Variants in CHD9 observed in about 807,000 individuals in gnomAD.
CHD9 encodes the protein ATP-dependent chromatin remodeler CHD9.
In CHD9, 77 loss-of-function variants were observed where a neutral mutation model predicts 316.1. The observed-to-expected ratio is 0.24, with a 90% CI of 0.20 to 0.29. CHD9 has a LOEUF of 0.29. Among genes scored for constraint, CHD9 ranks in the 10% least tolerant of loss-of-function variants. The pLI is 1.00. For missense variants in CHD9, 2,763 were observed against 3,438.1 expected (o/e 0.80, Z 4.91); for synonymous variants, 1,129 against 1,158.3 (o/e 0.97, Z 0.51).
intron 37 of CHD9, chr16:53,321,148 AT>A: frequency 1.0e-6 from 1 of 980,200 alleles, no homozygotes; most frequent in Non-Finnish European, 1.4e-6. Flanking sequence ...TATTATTGTT[AT>A]CCCCATTTTA....
At chr16:53,202,311 A>T (rs1046787877) in intron 2 of CHD9, among the ~76,000 whole-genome samples, 1 of 152,144 alleles carries the variant, frequency 6.6e-6, no homozygotes. Context: ...GTTCAGGCCA[A>T]TATCTAAACT....
chr16:53,158,228 C>T (rs1265626375), intron 2 of CHD9, among the ~76,000 whole-genome samples: 1 of 152,080 alleles, frequency 6.6e-6, no homozygotes, highest in African/African-American at 2.4e-5. Context: ...ATTTTAATAA[C>T]CCAGACATAG....
Position 53,324,351 on chromosome 16 carries a change from G to C in CHD9, c.8150G>C (p.Gly2717Ala). 1 of 1,614,006 alleles carries C rather than the reference G, an allele frequency of 6.2e-7. No homozygotes were observed. Among genetic ancestry groups the C allele is most frequent in the Non-Finnish European group, 8.5e-7 (1 of 1,179,886 alleles). Residue 2717 changes from glycine (G) to alanine (A), a missense_variant, in exon 39 of 39, where the codon GGA becomes GCA. This residue lies in a region of CHD9 where 298 missense variants were observed against 380.2 expected (regional missense o/e 0.78). Coordinates refer to ENST00000447540, the MANE Select transcript of CHD9 (RefSeq NM_001308319.2). The part of the protein sequence containing the change: ...MAAMFPMLLS[G>A]MAGLPNLLGM... ...GCTATGTTCCCCATGCTGCTGTCAG[G>C]AATGGCTGGATTACCAAATCTGTTG...
chr16:53,209,309 A>C (rs949559366), intron 2 of CHD9, among the ~76,000 whole-genome samples, 173 bp from the exon 3 acceptor site: 1 of 152,184 alleles, frequency 6.6e-6, no homozygotes, highest in African/African-American at 2.4e-5. Context: ...TGAGCTGTTT[A>C]TATCTGTACT....
At chr16:53,144,664 G>T (rs2040417791) in intron 1 of CHD9, among the ~76,000 whole-genome samples, 1 of 152,100 alleles carries the variant, frequency 6.6e-6, no homozygotes, top group South Asian at 2.1e-4. Flanking sequence ...GAGTAGCTGG[G>T]ACTACAGGCG....
chr16:53,094,786 T>G (rs193035143), intron 1 of CHD9, among the ~76,000 whole-genome samples: 253 of 151,974 alleles, frequency 1.7e-3, no homozygotes, highest in African/African-American at 5.7e-3. Context: ...ATTACAGGCA[T>G]GCACCACCAC....
At chr16:53,211,995 T>G (rs1197137442) in intron 3 of CHD9, among the ~76,000 whole-genome samples, 2 of 152,226 alleles carry the variant, frequency 1.3e-5, no homozygotes, top group Non-Finnish European at 2.9e-5. Flanking sequence ...ATTTAAAATT[T>G]TTTATTTTTC....
At chr16:53,219,691 G>A (rs947069352) in intron 3 of CHD9, among the ~76,000 whole-genome samples, 1 of 152,166 alleles carries the variant, frequency 6.6e-6, no homozygotes, top group Non-Finnish European at 1.5e-5. Context: ...GAGTCCTTAA[G>A]CATTAGAAGT....
chr16:53,203,749 C>T (rs922662076), intron 2 of CHD9, among the ~76,000 whole-genome samples: 4 of 152,062 alleles, frequency 2.6e-5, no homozygotes, highest in Admixed American at 1.3e-4. Context: ...TAGAGCCAGG[C>T]GTGGTGGCTC....
chr16:53,234,802 C>G (rs2048482221), intron 10 of CHD9, among the ~76,000 whole-genome samples: 1 of 140,332 alleles, frequency 7.1e-6, no homozygotes, highest in South Asian at 2.3e-4. Flanking sequence ...AACCCACCTT[C>G]CATTCCTGGT....
intron 1 of CHD9, among the ~76,000 whole-genome samples, chr16:53,111,430 A>C (rs924710952): frequency 2.0e-5 from 3 of 152,320 alleles, no homozygotes; most frequent in African/African-American, 7.2e-5. Flanking sequence ...CCTCACTTTA[A>C]AAATGTTTGA....
intron 31 of CHD9, among the ~76,000 whole-genome samples, chr16:53,305,389 G>A (rs563029829): frequency 1.3e-5 from 2 of 152,192 alleles, no homozygotes; most frequent in Admixed American, 6.5e-5. Context: ...ATATACAAAT[G>A]TTCTTAGGAA....
At chr16:53,200,417 C>T (rs1354143135) in intron 2 of CHD9, among the ~76,000 whole-genome samples, 1 of 146,538 alleles carries the variant, frequency 6.8e-6, no homozygotes, top group Non-Finnish European at 1.5e-5. Flanking sequence ...GGCATGGTGG[C>T]GGATACCTGT....
chr16:53,118,577 A>G (rs924584391), intron 1 of CHD9, among the ~76,000 whole-genome samples: 5 of 152,284 alleles, frequency 3.3e-5, no homozygotes, highest in Admixed American at 3.3e-4. Context: ...TTTTTCAATC[A>G]TATAACCTAG....
intron 1 of CHD9, among the ~76,000 whole-genome samples, chr16:53,134,271 T>C (rs1277722426): frequency 6.6e-6 from 1 of 152,226 alleles, no homozygotes; most frequent in East Asian, 1.9e-4. Flanking sequence ...AGAAGAGATT[T>C]ATGGATACTG....
intron 1 of CHD9, among the ~76,000 whole-genome samples, chr16:53,139,999 T>G (rs771186477): frequency 2.6e-5 from 4 of 151,282 alleles, no homozygotes; most frequent in Non-Finnish European, 5.9e-5. Flanking sequence ...CTCGAGAGGC[T>G]GAGGTGGCAG....
chr16:53,211,803 AT>A (rs2046356817), intron 3 of CHD9, among the ~76,000 whole-genome samples: 1 of 152,178 alleles, frequency 6.6e-6, no homozygotes, highest in African/African-American at 2.4e-5. Context: ...AATAAATGAA[AT>A]TCATATACAA....
intron 1 of CHD9, among the ~76,000 whole-genome samples, chr16:53,144,684 C>G (rs1314624933): frequency 6.6e-6 from 1 of 151,848 alleles, no homozygotes; most frequent in Non-Finnish European, 1.5e-5. Flanking sequence ...GCCCACTATG[C>G]CCAGCTAATT....
intron 15 of CHD9, 104 bp from the exon 16 acceptor site, chr16:53,247,189 A>C (rs1029035448): frequency 3.9e-6 from 3 of 767,074 alleles, no homozygotes; most frequent in Non-Finnish European, 6.3e-6. Flanking sequence ...TTAGAAAATT[A>C]TGTTACAGAA....
Sources: allele counts gnomAD v4.1 joint callset (sites outside exome capture counted in the v4.1 genomes callset), GRCh38; gene constraint gnomAD v4.1.1; regional missense constraint gnomAD v4.1.1; transcripts MANE v1.5; gene names NCBI Gene and HGNC (gene_info 2026-07-23, HGNC 2026-07-21).